The following SDK1 variants were observed in gnomAD, a reference collection of about 807,000 sequenced individuals.
SDK1 encodes the protein protein sidekick-1.
SDK1 carries 157 observed loss-of-function variants against 245.5 expected under a neutral mutation model. That is an observed-to-expected ratio of 0.64 (90% CI 0.56 to 0.73). The LOEUF is 0.73. SDK1 is among the 30% of genes least tolerant of loss of function. SDK1 has a pLI of 0.00. For missense variants in SDK1, 3,583 were observed against 3,002.3 expected (o/e 1.19, Z -4.52); for synonymous variants, 1,647 against 1,278.5 (o/e 1.29, Z -6.15).
At chr7:3,781,510 C>A (rs1332280430) in intron 4 of SDK1, among the ~76,000 whole-genome samples, 1 of 152,124 alleles carries the variant, frequency 6.6e-6, no homozygotes, top group African/African-American at 2.4e-5. Context: ...ACAAGGATTA[C>A]AATGACTCAA....
chr7:4,164,152 C>T (rs1247982060), intron 32 of SDK1, among the ~76,000 whole-genome samples: 2 of 152,178 alleles, frequency 1.3e-5, no homozygotes, highest in Non-Finnish European at 2.9e-5. Flanking sequence ...CTGAGTTTAC[C>T]AGAGCATAGG....
intron 4 of SDK1, among the ~76,000 whole-genome samples, chr7:3,795,766 C>G (rs1452182692): frequency 1.3e-5 from 2 of 152,162 alleles, no homozygotes; most frequent in African/African-American, 4.8e-5. Context: ...CCATATTATA[C>G]AGTTATACGA....
intron 1 of SDK1, among the ~76,000 whole-genome samples, chr7:3,302,683 C>T (rs547201000): frequency 1.4e-5 from 2 of 145,284 alleles, no homozygotes; most frequent in South Asian, 4.8e-4. Flanking sequence ...TTGAAGTTTG[C>T]TGGTCTTTAA....
intron 17 of SDK1, among the ~76,000 whole-genome samples, chr7:4,047,910 A>G (rs1389122108): frequency 6.6e-6 from 1 of 152,148 alleles, no homozygotes; most frequent in Non-Finnish European, 1.5e-5. Flanking sequence ...CCCTGTGTCC[A>G]TTTTTAACCC....
chr7:3,471,010 T>A lies in SDK1; in HGVS notation c.299-148070T>A, dbSNP rs973004910. Among the ~76,000 whole-genome samples, 8 of 152,162 alleles carry A rather than the reference T, an allele frequency of 5.3e-5. No homozygotes were observed. In the South Asian group the frequency reaches 8.3e-4, roughly 16 times the overall value. On this transcript the variant is annotated intron_variant, in intron 1 of 44. Transcript: ENST00000404826. ...TCCTCCTCCTTATAAACACCCCAAA[T>A]TAGTTTCTGAGTTGACCAACAAGAT...
chr7:4,177,676 C>T (rs918588497), intron 34 of SDK1, among the ~76,000 whole-genome samples: 6 of 152,184 alleles, frequency 3.9e-5, no homozygotes, highest in African/African-American at 1.4e-4. Context: ...TTGTGGGAGA[C>T]AATTTTTCCA....
chr7:4,022,253 C>T (rs1218673707), intron 17 of SDK1, among the ~76,000 whole-genome samples: 1 of 152,212 alleles, frequency 6.6e-6, no homozygotes, highest in Non-Finnish European at 1.5e-5. Context: ...AGAGAGCATG[C>T]AGAAGGCAGG....
At chr7:3,806,201 C>G (rs1779238982) in intron 4 of SDK1, among the ~76,000 whole-genome samples, 2 of 152,216 alleles carry the variant, frequency 1.3e-5, no homozygotes, top group South Asian at 4.1e-4. Flanking sequence ...CCAAATAATC[C>G]AAGACAATCT....
chr7:4,199,280 A>G (rs1049950764), intron 35 of SDK1, among the ~76,000 whole-genome samples: 2 of 152,148 alleles, frequency 1.3e-5, no homozygotes, highest in African/African-American at 4.8e-5. Flanking sequence ...TCTTCCTGTG[A>G]TGGGGACTCA....
intron 19 of SDK1, among the ~76,000 whole-genome samples, chr7:4,052,196 A>G (rs1231129846): frequency 8.5e-5 from 5 of 58,892 alleles, no homozygotes; most frequent in African/African-American, 2.7e-4. Flanking sequence ...CCCCCAGCCC[A>G]TTCTTTCCTG....
intron 1 of SDK1, among the ~76,000 whole-genome samples, chr7:3,488,904 CGTGTGTGTGTGTGT>C (rs59773114): frequency 5.4e-5 from 8 of 147,216 alleles, no homozygotes; most frequent in African/African-American, 1.3e-4. Context: ...TTCCTCCCTC[CGTGTGTGTGTGTGT>C]GTGTGTGTGT....
At chr7:3,659,196 C>T (rs1004680206) in intron 4 of SDK1, among the ~76,000 whole-genome samples, 57 of 152,056 alleles carry the variant, frequency 3.7e-4, no homozygotes, top group African/African-American at 1.1e-3. Flanking sequence ...TCCTGGACTA[C>T]GTTCTGTGGG....
chr7:4,154,049 T>C (rs896486028), intron 30 of SDK1, among the ~76,000 whole-genome samples: 1 of 152,144 alleles, frequency 6.6e-6, no homozygotes, highest in Non-Finnish European at 1.5e-5. Context: ...AGTGAATCGC[T>C]TTAAAAAGAT....
intron 1 of SDK1, among the ~76,000 whole-genome samples, chr7:3,504,550 G>T (rs904039551): frequency 1.3e-5 from 2 of 152,054 alleles, no homozygotes; most frequent in Non-Finnish European, 2.9e-5. Context: ...CTATTAAGAC[G>T]GTTAAACTGG....
intron 1 of SDK1, among the ~76,000 whole-genome samples, chr7:3,378,206 C>A (rs1217490225): frequency 6.6e-6 from 1 of 152,200 alleles, no homozygotes; most frequent in African/African-American, 2.4e-5. Flanking sequence ...TAACATTGTT[C>A]TGTCTTCCAA....
intron 1 of SDK1, among the ~76,000 whole-genome samples, chr7:3,605,892 G>C (rs760147104): frequency 2.3e-4 from 34 of 148,890 alleles, no homozygotes; most frequent in Non-Finnish European, 4.0e-4. Context: ...TTTGACAAAA[G>C]TTTTTTTTTT....
At chr7:3,532,329 T>C (rs7794992) in intron 1 of SDK1, among the ~76,000 whole-genome samples, 38,197 of 151,772 alleles carry the variant, frequency 0.25, 4,953 homozygotes, top group East Asian at 0.33. Flanking sequence ...GAGTATTCTT[T>C]AATGTTGGTC....
At chr7:4,237,035 T>G (rs1043498767) in intron 41 of SDK1, among the ~76,000 whole-genome samples, 1 of 151,796 alleles carries the variant, frequency 6.6e-6, no homozygotes, top group Admixed American at 6.6e-5. Flanking sequence ...GCCTCCTGAG[T>G]AGCTGGGACT....
Position 4,233,241 on chromosome 7 carries a change from C to CA in SDK1, c.5828-13dup. On this transcript the variant is annotated splice_polypyrimidine_tract_variant and intron_variant, in intron 40 of 44. Coordinates refer to ENST00000404826, the MANE Select transcript of SDK1 (RefSeq NM_152744.4). ...CTTCTAACCTCTGCTCTCGCCTCCC[C>CA]ATCCCTCTTGCAGATGAAGGCTTAT... 1 of 1,608,984 alleles carries CA rather than the reference C, an allele frequency of 6.2e-7. No individual in the cohort carries two copies. The highest frequency in any genetic ancestry group is 1.1e-5 in the South Asian group (1 of 90,918).
Sources: allele counts gnomAD v4.1 joint callset (sites outside exome capture counted in the v4.1 genomes callset), GRCh38; gene constraint gnomAD v4.1.1; transcripts MANE v1.5; gene names NCBI Gene and HGNC (gene_info 2026-07-23, HGNC 2026-07-21).